RSPO3: variants seen among roughly 807,000 people sequenced by gnomAD.
RSPO3 encodes the protein R-spondin 3.
A neutral mutation model predicts 36.5 loss-of-function variants in RSPO3; 17 were observed. The ratio of observed to expected loss-of-function variants is 0.47; its 90% CI spans 0.32 to 0.70. The LOEUF (loss-of-function observed/expected upper bound fraction) is 0.70, where lower values mean the gene tolerates loss of function less well. Among genes scored for constraint, RSPO3 ranks in the 30% least tolerant of loss-of-function variants. The probability of loss-of-function intolerance (pLI) is 0.04; values close to 1 mark genes in which losing one functional copy is unlikely to be tolerated. For missense variants in RSPO3, 294 were observed against 322.5 expected, an observed-to-expected ratio of 0.91 and a Z score of 0.68; for synonymous variants, 108 against 107.0, an observed-to-expected ratio of 1.01 and a Z score of -0.06.
intron 1 of RSPO3, among the ~76,000 whole-genome samples, chr6:127,120,330 A>C (rs992045039): frequency 1.7e-4 from 26 of 152,094 alleles, no homozygotes; most frequent in Non-Finnish European, 3.8e-4. Context: ...CCTTTCGCAG[A>C]TCTCAGAGCA....
chr6:127,124,859 G>A (rs1773910347), intron 1 of RSPO3, among the ~76,000 whole-genome samples: 2 of 152,032 alleles, frequency 1.3e-5, no homozygotes, highest in African/African-American at 4.8e-5. Flanking sequence ...AGAATGGGGT[G>A]TTCCATTCTC....
intron 1 of RSPO3, among the ~76,000 whole-genome samples, chr6:127,139,917 A>T (rs1176542817): frequency 1.3e-5 from 2 of 151,954 alleles, no homozygotes; most frequent in African/African-American, 4.8e-5. Flanking sequence ...CACTTTACAA[A>T]GGATTTTTCT....
chr6:127,158,937 A>T (rs1360085084), intron 4 of RSPO3, among the ~76,000 whole-genome samples: 1 of 152,194 alleles, frequency 6.6e-6, no homozygotes, highest in Non-Finnish European at 1.5e-5. Flanking sequence ...AATATCAAAA[A>T]TATAGATTTT....
At chr6:127,161,269 T>C (rs943751393) in intron 4 of RSPO3, among the ~76,000 whole-genome samples, 7 of 152,152 alleles carry the variant, frequency 4.6e-5, no homozygotes, top group Non-Finnish European at 7.3e-5. Context: ...AGCACCTTGA[T>C]AGATATAGAA....
At chr6:127,140,225 T>C (rs1774243194) in intron 1 of RSPO3, among the ~76,000 whole-genome samples, 1 of 152,192 alleles carries the variant, frequency 6.6e-6, no homozygotes, top group Admixed American at 6.6e-5. Context: ...GGTAACAATT[T>C]AGAAAAATAC....
chr6:127,168,848 A>C (rs938170565), intron 4 of RSPO3, among the ~76,000 whole-genome samples: 1 of 152,062 alleles, frequency 6.6e-6, no homozygotes, highest in African/African-American at 2.4e-5. Context: ...CCATTTATTA[A>C]ATAGGGAATC....
intron 4 of RSPO3, among the ~76,000 whole-genome samples, chr6:127,164,391 C>T (rs139181908): frequency 1.0e-3 from 158 of 152,184 alleles, no homozygotes; most frequent in African/African-American, 3.7e-3. Flanking sequence ...ACAAGATAAT[C>T]CCTTTTCAAT....
chr6:127,123,010 T>C (rs1773874975), intron 1 of RSPO3, among the ~76,000 whole-genome samples: 1 of 152,058 alleles, frequency 6.6e-6, no homozygotes, highest in Admixed American at 6.5e-5. Context: ...AAAGCACTCA[T>C]TGCACAATCT....
intron 4 of RSPO3, among the ~76,000 whole-genome samples, chr6:127,186,650 C>A (rs1185186620): frequency 1.3e-5 from 2 of 151,904 alleles, no homozygotes; most frequent in African/African-American, 4.8e-5. Flanking sequence ...CAATCTGTAC[C>A]ATAGGCAGTA....
At chr6:127,124,341 C>T (rs1217073289) in intron 1 of RSPO3, among the ~76,000 whole-genome samples, 1 of 151,994 alleles carries the variant, frequency 6.6e-6, no homozygotes, top group Non-Finnish European at 1.5e-5. Flanking sequence ...CTTGAAATGC[C>T]ATCAGAGTGG....
At chr6:127,189,904 C>G (rs897865785) in intron 4 of RSPO3, among the ~76,000 whole-genome samples, 2 of 152,050 alleles carry the variant, frequency 1.3e-5, no homozygotes, top group Non-Finnish European at 2.9e-5. Context: ...GACATTCATT[C>G]TTTGATATTT....
chr6:127,194,670 A>G (rs904824466), intron 4 of RSPO3, among the ~76,000 whole-genome samples: 5 of 152,244 alleles, frequency 3.3e-5, no homozygotes, highest in African/African-American at 1.2e-4. Flanking sequence ...CCGACAGAAT[A>G]AAATTCAGTT....
chr6:127,149,587 T>A (rs1774450906), intron 2 of RSPO3, among the ~76,000 whole-genome samples: 1 of 152,090 alleles, frequency 6.6e-6, no homozygotes, highest in Admixed American at 6.6e-5. Flanking sequence ...TCCATGATCA[T>A]CCTATCCAAA....
intron 1 of RSPO3, among the ~76,000 whole-genome samples, chr6:127,136,253 T>A (rs571542404): frequency 6.6e-6 from 1 of 152,200 alleles, no homozygotes; most frequent in East Asian, 1.9e-4. Context: ...TATCTGTTCA[T>A]TGACTGAGGA....
chr6:127,129,472 C>T (rs906639942), intron 1 of RSPO3, among the ~76,000 whole-genome samples: 38 of 151,924 alleles, frequency 2.5e-4, no homozygotes, highest in African/African-American at 8.5e-4. Flanking sequence ...TCCCAATAAC[C>T]GCAGTTGCCA....
At chr6:127,119,353 C>T (rs1252951455) in intron 1 of RSPO3, 64 bp downstream of exon 1, 11 of 1,224,090 alleles carry the variant, frequency 9.0e-6, no homozygotes, top group African/African-American at 1.5e-5. Flanking sequence ...GGTCGCTTTG[C>T]CTGTCCGGAG....
chr6:127,144,507 C>A (rs55953393), intron 1 of RSPO3, among the ~76,000 whole-genome samples: 269 of 152,204 alleles, frequency 1.8e-3, no homozygotes, highest in African/African-American at 5.2e-3. Context: ...TGAATATGCT[C>A]TGAAAGCAAC....
intron 4 of RSPO3, among the ~76,000 whole-genome samples, chr6:127,187,321 G>A (rs2114261546): frequency 6.6e-6 from 1 of 152,136 alleles, no homozygotes. Context: ...CTGAAGATAG[G>A]TAATAAAATT....
At chr6:127,177,992 T>A (rs928277929) in intron 4 of RSPO3, among the ~76,000 whole-genome samples, 1 of 151,696 alleles carries the variant, frequency 6.6e-6, no homozygotes, top group Non-Finnish European at 1.5e-5. Flanking sequence ...GAGTCATTCC[T>A]GAAATAGAAA....
Sources: gnomAD v4.1 joint callset for allele counts (sites outside exome capture counted in the v4.1 genomes callset) on GRCh38, gnomAD v4.1.1 for gene constraint, MANE v1.5 for transcripts, NCBI Gene and HGNC (gene_info 2026-07-23, HGNC 2026-07-21) for gene names.